CRACR2A: variants seen among roughly 807,000 people sequenced by gnomAD.
CRACR2A encodes the protein EF-hand calcium-binding domain-containing protein 4B.
Under a neutral mutation model 90.5 loss-of-function variants are expected in CRACR2A, and 79 were observed. The ratio of observed to expected loss-of-function variants is 0.87; its 90% confidence interval spans 0.73 to 1.05. The LOEUF is 1.05. Among genes scored for constraint, CRACR2A ranks in the 50% least tolerant of loss-of-function variants. CRACR2A has a pLI of 0.00. For missense variants in CRACR2A, 823 were observed against 897.2 expected, an observed-to-expected ratio of 0.92 and a Z score of 1.06; for synonymous variants, 338 against 356.7, an observed-to-expected ratio of 0.95 and a Z score of 0.59.
At chr12:3,714,991 T>C (rs1232289016) in intron 2 of CRACR2A, among the ~76,000 whole-genome samples, 1 of 152,226 alleles carries the variant, frequency 6.6e-6, no homozygotes, top group Non-Finnish European at 1.5e-5. Flanking sequence ...CTTACTTCTC[T>C]TTACAGCTGA....
At chr12:3,697,844 C>T (rs773118828) in intron 3 of CRACR2A, among the ~76,000 whole-genome samples, 25 of 152,290 alleles carry the variant, frequency 1.6e-4, no homozygotes, top group Non-Finnish European at 2.1e-4. Context: ...CAGCCCAAAC[C>T]GAATCACAAA....
intron 7 of CRACR2A, among the ~76,000 whole-genome samples, chr12:3,666,666 G>C (rs1945157304): frequency 6.6e-6 from 1 of 152,244 alleles, no homozygotes; most frequent in Non-Finnish European, 1.5e-5. Context: ...GCCGGAGCGA[G>C]GCATTAATAC....
intron 18 of CRACR2A, 30 bp from the exon 19 acceptor site, chr12:3,617,060 A>G: frequency 6.6e-7 from 1 of 1,509,356 alleles, no homozygotes; most frequent in Non-Finnish European, 9.0e-7. Flanking sequence ...CGAATACAAG[A>G]GTATTGGAGT....
chr12:3,730,964 A>T (rs11608686), intron 2 of CRACR2A: 12,696 of 152,280 alleles, frequency 0.083, 645 homozygotes, highest in Middle Eastern at 0.17. Context: ...CACTGTATAC[A>T]CCAGCTACTG....
intron 10 of CRACR2A, among the ~76,000 whole-genome samples, chr12:3,649,092 A>AG (rs753593532): frequency 2.8e-4 from 41 of 148,330 alleles, no homozygotes; most frequent in Non-Finnish European, 4.5e-4. Context: ...GGGTGGGGGA[A>AG]GGGGGGAGGG....
At chr12:3,615,504 G>T in intron 19 of CRACR2A, 65 bp from the exon 20 acceptor site, 2 of 1,368,808 alleles carry the variant, frequency 1.5e-6, no homozygotes, top group Non-Finnish European at 1.0e-6. Context: ...CTGGCAACCT[G>T]GACAAGCTAC....
chr12:3,707,305 A>G (rs1330483931), intron 3 of CRACR2A, among the ~76,000 whole-genome samples: 1 of 152,176 alleles, frequency 6.6e-6, no homozygotes, highest in African/African-American at 2.4e-5. Context: ...GCTGTCTCCT[A>G]CCTCTGTAAA....
intron 4 of CRACR2A, among the ~76,000 whole-genome samples, chr12:3,686,615 C>G (rs191032168): frequency 3.3e-5 from 5 of 152,160 alleles, no homozygotes; most frequent in African/African-American, 9.7e-5. Flanking sequence ...TCTCTTCATG[C>G]TCTCTGTAGC....
At chr12:3,636,136 G>A (rs12370646) in intron 14 of CRACR2A, among the ~76,000 whole-genome samples, 7,938 of 152,114 alleles carry the variant, frequency 0.052, 325 homozygotes, top group Non-Finnish European at 0.07. Flanking sequence ...GTCTGATTTT[G>A]GTTATTTCCT....
intron 13 of CRACR2A, 62 bp from the exon 14 acceptor site, chr12:3,638,516 G>A: frequency 2.1e-6 from 3 of 1,456,116 alleles, no homozygotes; most frequent in Non-Finnish European, 2.7e-6. Context: ...AATACGGGCT[G>A]CATAACAGCT....
At chr12:3,626,527 A>G (rs763362172) in intron 17 of CRACR2A, among the ~76,000 whole-genome samples, 2 of 152,328 alleles carry the variant, frequency 1.3e-5, no homozygotes, top group South Asian at 2.1e-4. Flanking sequence ...CATAAGCTTC[A>G]TGAGGGCAGG....
intron 8 of CRACR2A, among the ~76,000 whole-genome samples, chr12:3,658,648 C>T (rs922020184): frequency 6.6e-6 from 1 of 151,980 alleles, no homozygotes; most frequent in African/African-American, 2.4e-5. Context: ...GCAGTGGTGT[C>T]GATAATCTGA....
At chr12:3,712,667 T>A (rs187982681) in intron 3 of CRACR2A, among the ~76,000 whole-genome samples, 1 of 152,190 alleles carries the variant, frequency 6.6e-6, no homozygotes, top group African/African-American at 2.4e-5. Context: ...CAATTCAACA[T>A]GAGATTTGGG....
intron 6 of CRACR2A, 116 bp downstream of exon 6, chr12:3,678,799 G>A: frequency 8.4e-7 from 1 of 1,185,800 alleles, no homozygotes; most frequent in Non-Finnish European, 1.2e-6. Context: ...TACCTGCACT[G>A]CATTCCAGTG....
intron 6 of CRACR2A, among the ~76,000 whole-genome samples, chr12:3,674,157 CATGTG>C (rs1945301921): frequency 6.6e-6 from 1 of 152,196 alleles, no homozygotes; most frequent in African/African-American, 2.4e-5. Flanking sequence ...AAAGACGTGC[CATGTG>C]ATGGATGGCA....
At chr12:3,714,656 A>C (rs1290838459) in intron 2 of CRACR2A, among the ~76,000 whole-genome samples, 1 of 152,216 alleles carries the variant, frequency 6.6e-6, no homozygotes, top group Non-Finnish European at 1.5e-5. Context: ...TTTTCTTCTG[A>C]ATTTTCTGAT....
chr12:3,687,811 G>A (rs1192982359), intron 4 of CRACR2A, among the ~76,000 whole-genome samples: 3 of 152,220 alleles, frequency 2.0e-5, no homozygotes, highest in Non-Finnish European at 4.4e-5. Flanking sequence ...CCCACCAACA[G>A]TGTGTAAGTG....
At position 3,680,307 on chromosome 12, in the gene CRACR2A, C is replaced by T; in HGVS notation, c.271G>A (p.Asp91Asn). 6.2e-7 allele frequency: 1 copy of T among 1,614,214 alleles called. No homozygotes were observed. Among genetic ancestry groups the T allele is most frequent in the African/African-American group, 1.3e-5 (1 of 75,068 alleles). Residue 91 changes from aspartate to asparagine, a missense_variant, in exon 5 of 20, where the codon GAT (aspartate) becomes AAT (asparagine). Asp to Asn is a conservative substitution (Grantham distance 23, BLOSUM62 1). Transcript: ENST00000440314. ...TCAGCATCCAGGGCATCAAACACAT[C>T]CTCCAGTTCCTCCAGGCTGAGCGGT... is the stretch of plus-strand genomic sequence containing the variant. ...ELPLSLEELE[D>N]VFDALDADGN... is the part of the protein sequence containing the mutation.
chr12:3,715,377 T>C (rs953681948), intron 2 of CRACR2A, among the ~76,000 whole-genome samples: 1 of 152,242 alleles, frequency 6.6e-6, no homozygotes, highest in Non-Finnish European at 1.5e-5. Flanking sequence ...AGACAGCTAT[T>C]CTAAGATGGA....
Sources: gnomAD v4.1 joint callset for allele counts (sites outside exome capture counted in the v4.1 genomes callset) on GRCh38, gnomAD v4.1.1 for gene constraint, MANE v1.5 for transcripts, NCBI Gene and HGNC (gene_info 2026-07-23, HGNC 2026-07-21) for gene names.